The following CDH26 variants were observed in gnomAD, a reference collection of about 807,000 sequenced individuals.
CDH26 encodes the protein cadherin 26.
Under a neutral mutation model 90.3 loss-of-function variants are expected in CDH26, and 83 were observed. The ratio of observed to expected loss-of-function variants is 0.92; its 90% CI spans 0.77 to 1.10. The LOEUF (loss-of-function observed/expected upper bound fraction) is 1.10, where lower values mean the gene tolerates loss of function less well. Ranked by LOEUF, CDH26 falls within the 50% of genes least tolerant of loss-of-function variation. CDH26 has a pLI of 0.00. For missense variants in CDH26, 1,013 were observed against 1,037.6 expected (o/e 0.98, Z 0.33); for synonymous variants, 397 against 396.3 (o/e 1.00, Z -0.02).
Position 59,967,957 on chromosome 20 carries a change from A to ATCTATCTTTCTT in CDH26, c.70-1007_70-1006insATCTTTCTTTCT, listed in dbSNP as rs1488730054. ...TCCCTTTCTTTCTTTCTTTCTTTCT[A>ATCTATCTTTCTT]TCTTTCTTTCTTTCTTTCTTTCTTT... On this transcript the variant is annotated intron_variant, in intron 1 of 17. Transcript: ENST00000348616. 6.4e-4 allele frequency among the ~76,000 whole-genome samples: 38 copies of ATCTATCTTTCTT among 59,564 alleles called. 1 individual carries two copies. Among genetic ancestry groups the ATCTATCTTTCTT allele is most frequent in the African/African-American group, 3.1e-3 (37 of 12,112 alleles). The allele number at this position is 59,564 out of a possible 152,430, so 39.1% of individuals were successfully genotyped here. A position where few individuals can be genotyped will look rare whatever the true frequency, so the allele number is the denominator to read the frequency against.
chr20:60,012,684 C>T lies in CDH26; in HGVS notation c.2453C>T (p.Ala818Val), dbSNP rs145724462. Reference sequence around the variant, plus strand: ...TTGCTGGACTCTTTGGGTTCAAAAGCGACTCCGTTTGAGGAAATATATTCA... The same window carrying T: ...TTGCTGGACTCTTTGGGTTCAAAAGTGACTCCGTTTGAGGAAATATATTCA... ...PDLLDSLGSK[A>V]TPFEEIYSES... The change falls in exon 18 of 18, where the codon GCG (alanine) becomes GTG (valine). Residue 818 changes from alanine to valine, a missense_variant. Coordinates refer to ENST00000348616, the MANE Select transcript of CDH26 (RefSeq NM_177980.4). 621 of 1,613,890 alleles carry T rather than the reference C, an allele frequency of 3.8e-4. 3 individuals are homozygous for T. The East Asian group carries it at 9.0e-3, about 23-fold the overall frequency.
intron 7 of CDH26, among the ~76,000 whole-genome samples, chr20:60,025,017 G>A (rs1198538683): frequency 1.3e-5 from 2 of 152,206 alleles, no homozygotes; most frequent in Non-Finnish European, 2.9e-5. Flanking sequence ...GGGACTATCT[G>A]CAGAGCTTGG....
At position 59,958,687 on chromosome 20, in the gene CDH26, C is replaced by A; in HGVS notation, c.-40C>A. The A allele has an allele frequency of 1.9e-6, 3 of 1,599,598 alleles. No homozygotes were observed. Among genetic ancestry groups the A allele is most frequent in the South Asian group, 2.2e-5 (2 of 90,616 alleles). On this transcript the variant is annotated 5_prime_UTR_variant, in exon 1 of 18. Coordinates refer to ENST00000348616, the MANE Select transcript of CDH26 (RefSeq NM_177980.4). ...GAGACCACCAGCTTGGAGGACTGGT[C>A]ATCAGCTGCACGTTCTGGGTCTGTC...
chr20:60,004,389 C>T (rs2061714915), intron 16 of CDH26, among the ~76,000 whole-genome samples: 1 of 152,110 alleles, frequency 6.6e-6, no homozygotes, highest in South Asian at 2.1e-4. Context: ...TTGGTGTAGC[C>T]TGTTGCTTCT....
chr20:59,995,719 A>T (rs995061010), intron 11 of CDH26, 114 bp from the exon 12 acceptor site: 15 of 871,732 alleles, frequency 1.7e-5, no homozygotes, highest in Non-Finnish European at 2.4e-5. Context: ...CTAACTCTGC[A>T]GTTGGCTTAC....
chr20:60,025,134 A>G (rs935261510), intron 7 of CDH26, among the ~76,000 whole-genome samples: 3 of 152,226 alleles, frequency 2.0e-5, no homozygotes, highest in Non-Finnish European at 4.4e-5. Context: ...AGAGAAATAA[A>G]TGTAAGTCAG....
intron 2 of CDH26, among the ~76,000 whole-genome samples, chr20:59,969,721 A>G (rs1195216312): frequency 6.6e-6 from 1 of 152,210 alleles, no homozygotes; most frequent in Non-Finnish European, 1.5e-5. Flanking sequence ...TAATTTCAGG[A>G]AGACTGAGAG....
At chr20:59,997,477 C>T (rs969820605) in intron 13 of CDH26, among the ~76,000 whole-genome samples, 2 of 152,272 alleles carry the variant, frequency 1.3e-5, no homozygotes, top group African/African-American at 2.4e-5. Context: ...AGGCACCTAA[C>T]ACAAGGCAGA....
chr20:59,967,875 T>TCTCTCTC lies in CDH26; in HGVS notation c.70-1092_70-1091insCTCTCTC, dbSNP rs1569024254. ...TTTCTTTCTTTCTTTCTTTCTTTCT[T>TCTCTCTC]TCTTCCTTCCTTCCTTCCTTCCTTC... On this transcript the variant is annotated intron_variant, in intron 1 of 17. Transcript: ENST00000348616. 8.4e-4 allele frequency among the ~76,000 whole-genome samples: 84 copies of TCTCTCTC among 99,542 alleles called. 2 individuals are homozygous for TCTCTCTC. The highest frequency in any genetic ancestry group is 4.4e-3 in the African/African-American group (63 of 14,264). 65.3% of individuals were successfully genotyped at this position (99,542 alleles called of 152,430 possible). A position where few individuals can be genotyped will look rare whatever the true frequency, so the allele number is the denominator to read the frequency against.
At chr20:60,026,088 C>G (rs2146033442) in intron 7 of CDH26, among the ~76,000 whole-genome samples, 1 of 152,256 alleles carries the variant, frequency 6.6e-6, no homozygotes, top group East Asian at 1.9e-4. Flanking sequence ...GACTTAGAAT[C>G]TAGTAGGAGG....
At position 59,971,995 on chromosome 20, in the gene CDH26, A is replaced by T; in HGVS notation, c.265A>T (p.Met89Leu). The T allele has an allele frequency of 6.2e-7, 1 of 1,613,850 alleles. No individual in the cohort carries two copies. Among genetic ancestry groups the T allele is most frequent in the Non-Finnish European group, 8.5e-7 (1 of 1,179,854 alleles). ...FNNMSYNMSL[M>L]YLISGPGVDE... ...TAATATGTCTTATAACATGTCACTA[A>T]TGTATCTAATCAGTGGACCTGGTGT... The change falls in exon 4 of 18, where the codon ATG (methionine) becomes TTG (leucine). Residue 89 changes from methionine (M) to leucine (L), a missense_variant. Met to Leu is a conservative substitution (Grantham distance 15). Coordinates refer to ENST00000348616, the MANE Select transcript of CDH26 (RefSeq NM_177980.4).
At chr20:59,978,322 T>TTTG (rs2061350503) in intron 4 of CDH26, among the ~76,000 whole-genome samples, 1 of 152,146 alleles carries the variant, frequency 6.6e-6, no homozygotes, top group African/African-American at 2.4e-5. Context: ...CCAAAGTGGC[T>TTTG]GCACCATTTT....
intron 9 of CDH26, among the ~76,000 whole-genome samples, chr20:59,990,186 A>C (rs6027226): frequency 3.3e-5 from 5 of 152,132 alleles, no homozygotes; most frequent in Non-Finnish European, 7.4e-5. Context: ...AGCATGTATC[A>C]GAATGTCCTT....
chr20:60,005,025 C>T (rs2061728233), intron 16 of CDH26, among the ~76,000 whole-genome samples: 1 of 151,852 alleles, frequency 6.6e-6, no homozygotes, highest in South Asian at 2.1e-4. Context: ...CCCGAGACAG[C>T]AAGACCAACC....
At chr20:59,968,815 G>A (rs2061211202) in intron 1 of CDH26, 152 bp from the exon 2 acceptor site, 3 of 426,650 alleles carry the variant, frequency 7.0e-6, no homozygotes, top group South Asian at 6.8e-5. Context: ...CATGAATTAA[G>A]ATGTAGAGGA....
rs538572199 is a variant in CDH26, at chr20:60,021,895, CACATAT to C, written c.948-9334_948-9329del. 5.2e-4 allele frequency among the ~76,000 whole-genome samples: 42 copies of C among 80,872 alleles called. No individual in the cohort carries two copies. In the South Asian group the frequency reaches 0.017, roughly 33 times the overall value. 53.1% of individuals were successfully genotyped at this position (80,872 alleles called of 152,430 possible). The stretch of plus-strand genomic sequence containing the variant: ...ACACACACACACACACACACACACA[CACATAT>C]ATATATATATATATATCCTGACTAT... On this transcript the variant is annotated intron_variant, in intron 7 of 8. Coordinates refer to the CDH26 transcript ENST00000370991.
chr20:59,996,816 C>A, intron 13 of CDH26, 55 bp downstream of exon 13: 1 of 1,595,794 alleles, frequency 6.3e-7, no homozygotes. Flanking sequence ...AATACACAGA[C>A]ATATAGCATG....
At chr20:60,020,955 G>C (rs1196690082) in intron 7 of CDH26, among the ~76,000 whole-genome samples, 1 of 152,224 alleles carries the variant, frequency 6.6e-6, no homozygotes, top group East Asian at 1.9e-4. Flanking sequence ...TCTCTGGGCT[G>C]ATCAGATCCA....
chr20:59,974,245 T>A (rs1283532258), intron 4 of CDH26, among the ~76,000 whole-genome samples: 1 of 152,238 alleles, frequency 6.6e-6, no homozygotes, highest in African/African-American at 2.4e-5. Flanking sequence ...ATGGGGTTTT[T>A]TTTCTTGTAA....
Sources: gnomAD v4.1 joint callset for allele counts (sites outside exome capture counted in the v4.1 genomes callset) on GRCh38, gnomAD v4.1.1 for gene constraint, MANE v1.5 for transcripts, NCBI Gene and HGNC (gene_info 2026-07-23, HGNC 2026-07-21) for gene names.